The following PGPEP1 variants were observed in gnomAD, a reference collection of about 807,000 sequenced individuals.
The protein encoded by PGPEP1 is pyroglutamyl-peptidase I.
PGPEP1 carries 15 observed loss-of-function variants against 24.1 expected under a neutral mutation model. That is an observed-to-expected ratio of 0.62 (90% CI 0.42 to 0.96). The LOEUF (loss-of-function observed/expected upper bound fraction) is 0.96, where lower values mean the gene tolerates loss of function less well. Among genes scored for constraint, PGPEP1 ranks in the 40% least tolerant of loss-of-function variants. The pLI, the probability that PGPEP1 is intolerant of heterozygous loss-of-function variation, is 0.00. For missense variants in PGPEP1, 242 were observed against 273.4 expected (o/e 0.89, Z 0.81); for synonymous variants, 122 against 116.4 (o/e 1.05, Z -0.31).
intron 3 of PGPEP1, 76 bp from the exon 4 acceptor site, chr19:18,357,306 CT>C: frequency 6.6e-6 from 7 of 1,063,886 alleles, no homozygotes; most frequent in Non-Finnish European, 5.6e-6. Context: ...AGGATGCTGC[CT>C]TTTCCCTGGC....
chr19:18,363,545 C>T lies in PGPEP1; in HGVS notation c.592C>T (p.Gln198Ter). 6.2e-7 allele frequency: 1 copy of T among 1,613,986 alleles called. No individual in the cohort carries two copies. Among genetic ancestry groups the T allele is most frequent in the Non-Finnish European group, 8.5e-7 (1 of 1,179,956 alleles). ...IIEEMLDLLE[Q>*]SEGKINYCHK... is the part of the protein sequence containing the mutation. ...TGAGGAGATGTTGGACCTCCTGGAGCAGTCAGAGGGCAAAATCAACTATTG... is the reference window on the plus strand; with the variant it reads ...TGAGGAGATGTTGGACCTCCTGGAGTAGTCAGAGGGCAAAATCAACTATTG... The change falls in exon 5 of 5, where the codon CAG becomes TAG. Residue 198 changes from glutamine to a stop codon, truncating the protein, a stop_gained. Transcript: ENST00000269919. LOFTEE classifies it high-confidence loss of function.
At position 18,368,065 on chromosome 19, in the gene PGPEP1, G is replaced by A. The variant is rs1259250088; in HGVS notation, c.*4482G>A. 6.6e-6 allele frequency: 1 copy of A among 151,702 alleles called. No individual in the cohort carries two copies. The highest frequency in any genetic ancestry group is 1.9e-4 in the East Asian group (1 of 5,184). 9.4% of individuals were successfully genotyped at this position (151,702 alleles called of 1,614,324 possible). ...GGAGGCTTATCTGAGCCCAGGAGGT[G>A]AAGGCTGCAATGAGCCATGATTACA... On this transcript the variant is annotated 3_prime_UTR_variant, in exon 5 of 5. Transcript: ENST00000269919.
At chr19:18,356,992 C>T (rs575099818) in intron 3 of PGPEP1, among the ~76,000 whole-genome samples, 13 of 146,772 alleles carry the variant, frequency 8.9e-5, no homozygotes, top group Non-Finnish European at 1.5e-4. Flanking sequence ...GAGCTGAGAT[C>T]GCGCCACTGC....
intron 4 of PGPEP1, among the ~76,000 whole-genome samples, chr19:18,363,111 A>T (rs1971395700): frequency 6.7e-6 from 1 of 149,008 alleles, no homozygotes. Flanking sequence ...GGCTGAGTGC[A>T]GTGGTGCAAT....
intron 2 of PGPEP1, among the ~76,000 whole-genome samples, chr19:18,343,160 C>T (rs567870754): frequency 1.2e-4 from 18 of 152,092 alleles, no homozygotes; most frequent in East Asian, 5.8e-4. Context: ...CCACCACGCC[C>T]GGCTAATTTT....
At chr19:18,352,524 G>C (rs769845104) in intron 2 of PGPEP1, among the ~76,000 whole-genome samples, 1 of 151,572 alleles carries the variant, frequency 6.6e-6, no homozygotes, top group African/African-American at 2.4e-5. Context: ...GTTTGTTGAC[G>C]GAACGGATGG....
At chr19:18,344,358 CG>C (rs1255947146) in intron 2 of PGPEP1, among the ~76,000 whole-genome samples, 1 of 152,028 alleles carries the variant, frequency 6.6e-6, no homozygotes, top group African/African-American at 2.4e-5. Flanking sequence ...GAGAGAAAGA[CG>C]GAAGTGTTTT....
intron 2 of PGPEP1, among the ~76,000 whole-genome samples, chr19:18,355,188 C>G (rs1165279977): frequency 2.0e-5 from 3 of 151,718 alleles, no homozygotes; most frequent in African/African-American, 7.3e-5. Context: ...CCAGGATGGT[C>G]TCGATCTCCT....
chr19:18,341,911 AT>A (rs113532652), intron 1 of PGPEP1, among the ~76,000 whole-genome samples: 207 of 144,324 alleles, frequency 1.4e-3, no homozygotes, highest in Non-Finnish European at 1.6e-3. Flanking sequence ...GATGGACCGT[AT>A]TTTTTTTTTT....
intron 1 of PGPEP1, 112 bp from the exon 2 acceptor site, chr19:18,342,747 G>A (rs951487679): frequency 1.2e-6 from 1 of 813,632 alleles, no homozygotes; most frequent in Admixed American, 2.1e-5. Flanking sequence ...GTCCTTGGCA[G>A]CTGCGCCCTG....
chr19:18,356,099 A>G lies in PGPEP1; in HGVS notation c.204+88A>G, dbSNP rs564105955. The G allele has an allele frequency of 1.5e-3, 1,156 of 795,556 alleles. 4 individuals are homozygous for G. Among genetic ancestry groups the G allele is most frequent in the Non-Finnish European group, 2.4e-3 (1,053 of 443,922 alleles). The allele number at this position is 795,556 out of a possible 1,614,324, so 49.3% of individuals were successfully genotyped here. A position where few individuals can be genotyped will look rare whatever the true frequency, so the allele number is the denominator to read the frequency against. ...GAGGACTTAGGTGGCTTTGGTCCTG[A>G]TCAGATCACGTGACCAATGCCATAC... On this transcript the variant is annotated intron_variant, in intron 3 of 4. Coordinates refer to ENST00000269919, the MANE Select transcript of PGPEP1 (RefSeq NM_017712.4).
chr19:18,362,977 C>T (rs552421996), intron 4 of PGPEP1, among the ~76,000 whole-genome samples: 3 of 152,154 alleles, frequency 2.0e-5, no homozygotes, highest in African/African-American at 7.2e-5. Context: ...CAATAGCTCA[C>T]TCTGCCCATT....
Position 18,363,428 on chromosome 19 carries a change from CAGAG to C in PGPEP1, c.476_479del (p.Gln159LeufsTer26). On this transcript the variant is annotated frameshift_variant, in exon 5 of 5. Coordinates refer to ENST00000269919, the MANE Select transcript of PGPEP1 (RefSeq NM_017712.4). LOFTEE classifies it high-confidence loss of function. ...CTTTACCTACTACACCTCTTTGTACCAGAGTCACGGTCGATCAGCCTTCGTCCAC... is the reference window on the plus strand; with the variant it reads ...CTTTACCTACTACACCTCTTTGTACCTCACGGTCGATCAGCCTTCGTCCAC... 1 of 1,613,602 alleles carries C rather than the reference CAGAG, an allele frequency of 6.2e-7. No homozygotes were observed. The highest frequency in any genetic ancestry group is 8.5e-7 in the Non-Finnish European group (1 of 1,179,572).
intron 4 of PGPEP1, among the ~76,000 whole-genome samples, chr19:18,362,299 C>T (rs1395133301): frequency 4.6e-5 from 7 of 151,956 alleles, no homozygotes; most frequent in African/African-American, 1.5e-4. Flanking sequence ...TCCAGCTACT[C>T]GGGAGGCTGA....
In PGPEP1 at chr19:18,367,814, C is replaced by T. The variant is rs1272940124; in HGVS notation, c.*4231C>T. On this transcript the variant is annotated 3_prime_UTR_variant, in exon 5 of 5. Coordinates refer to ENST00000269919, the MANE Select transcript of PGPEP1 (RefSeq NM_017712.4). ...AGAGCCAGATGTGTGAAGGAAATGT[C>T]CCAGATGGCAGTAGTTTCTCGGCAA... The T allele has an allele frequency of 6.6e-6, 1 of 152,092 alleles. No individual in the cohort carries two copies. Among genetic ancestry groups the T allele is most frequent in the Non-Finnish European group, 1.5e-5 (1 of 68,078 alleles). 9.4% of individuals were successfully genotyped at this position (152,092 alleles called of 1,614,324 possible).
At chr19:18,348,296 C>T (rs11880612) in intron 2 of PGPEP1, among the ~76,000 whole-genome samples, 1,587 of 152,228 alleles carry the variant, frequency 0.01, 39 homozygotes, top group African/African-American at 0.036. Context: ...GGTAACATCA[C>T]GGGACAATTG....
intron 4 of PGPEP1, among the ~76,000 whole-genome samples, chr19:18,359,893 C>A (rs990787060): frequency 1.3e-5 from 2 of 152,122 alleles, no homozygotes; most frequent in Non-Finnish European, 2.9e-5. Context: ...AAGTTATACC[C>A]TCCCAGCACC....
rs1971501569 is a variant in PGPEP1, at chr19:18,365,136, CGTA to C, written c.*1554_*1556del. The C allele has an allele frequency of 6.6e-6, 1 of 152,130 alleles. No individual in the cohort carries two copies. Among genetic ancestry groups the C allele is most frequent in the Non-Finnish European group, 1.5e-5 (1 of 68,020 alleles). 9.4% of individuals were successfully genotyped at this position (152,130 alleles called of 1,614,324 possible). Reference sequence around the variant, plus strand: ...AACTTACCAGGCAGGGATGAGATGACGTAAACTTCCTCAGATGATGTAAGTTCA... The same window carrying C: ...AACTTACCAGGCAGGGATGAGATGACAACTTCCTCAGATGATGTAAGTTCA... On this transcript the variant is annotated 3_prime_UTR_variant, in exon 5 of 5. Transcript: ENST00000269919.
intron 4 of PGPEP1, among the ~76,000 whole-genome samples, chr19:18,362,702 T>A (rs1329042441): frequency 1.5e-5 from 2 of 135,436 alleles, no homozygotes; most frequent in African/African-American, 5.5e-5. Flanking sequence ...CACTCCAACC[T>A]GAGCAACAGA....
Sources: allele counts gnomAD v4.1 joint callset (sites outside exome capture counted in the v4.1 genomes callset), GRCh38; gene constraint gnomAD v4.1.1; transcripts MANE v1.5; gene names NCBI Gene and HGNC (gene_info 2026-07-23, HGNC 2026-07-21).